FAAH2: variants seen among roughly 807,000 people sequenced by gnomAD.
The protein encoded by FAAH2 is fatty acid amide hydrolase 2.
In FAAH2, 60 loss-of-function variants were observed where a neutral mutation model predicts 36.9. The ratio of observed to expected loss-of-function variants is 1.63; its 90% confidence interval spans 1.32 to 2.02. The LOEUF is 2.02. Ranked by LOEUF, FAAH2 falls within the 30% of genes most tolerant of loss-of-function variation. The probability of loss-of-function intolerance (pLI) is 0.00; values close to 1 mark genes in which losing one functional copy is unlikely to be tolerated. For synonymous variants in FAAH2, 214 were observed against 143.8 expected, an observed-to-expected ratio of 1.49 and a Z score of -3.49; for missense variants, 689 against 397.5, an observed-to-expected ratio of 1.73 and a Z score of -6.23.
At chrX:57,352,410 A>C (rs776621875) in intron 5 of FAAH2, among the ~76,000 whole-genome samples, 4 of 108,739 alleles carry the variant, frequency 3.7e-5, no homozygotes, top group Non-Finnish European at 7.7e-5. Flanking sequence ...GATAAAACTT[A>C]TCATGCCTTC....
chrX:57,157,112 A>T, the FAAH2 span, among the ~76,000 whole-genome samples: 146 of 111,652 alleles, frequency 1.3e-3, 1 homozygote, highest in African/African-American at 4.7e-3. Flanking sequence ...CTGAGCTGAT[A>T]CCCAGTTGCA....
the FAAH2 span, among the ~76,000 whole-genome samples, chrX:57,208,911 C>A: frequency 2.7e-5 from 3 of 111,892 alleles, no homozygotes; most frequent in Non-Finnish European, 5.6e-5. Context: ...GCCATGTGTT[C>A]CTTGCCCTCA....
the FAAH2 span, among the ~76,000 whole-genome samples, chrX:57,207,303 A>T: frequency 9.0e-6 from 1 of 111,457 alleles, no homozygotes; most frequent in African/African-American, 3.3e-5. Flanking sequence ...GGCCCTTCAC[A>T]ATGAAAAATA....
At chrX:57,290,711 T>TA (rs1030911465) in intron 1 of FAAH2, among the ~76,000 whole-genome samples, 8 of 111,446 alleles carry the variant, frequency 7.2e-5, no homozygotes, top group Non-Finnish European at 1.5e-4. Context: ...TGTTATTCTT[T>TA]AAAAAAATTG....
chrX:57,425,041 C>CA (rs78804919), intron 7 of FAAH2, among the ~76,000 whole-genome samples: 59,403 of 109,197 alleles, frequency 0.54, 14,346 homozygotes, highest in Non-Finnish European at 0.74. Context: ...TATTAAAAAA[C>CA]AAAAAAATCT....
intron 3 of FAAH2, among the ~76,000 whole-genome samples, chrX:57,327,423 C>A (rs1446315469): frequency 9.1e-6 from 1 of 109,817 alleles, no homozygotes; most frequent in African/African-American, 3.3e-5. Context: ...TAAATAATAT[C>A]CTGCAGAGTG....
intron 2 of FAAH2, among the ~76,000 whole-genome samples, chrX:57,309,661 A>C (rs184325530): frequency 1.4e-3 from 153 of 110,976 alleles, no homozygotes; most frequent in African/African-American, 4.8e-3. Context: ...TGTGTCCATG[A>C]GTCCTCATTT....
chrX:57,192,411 T>A, the FAAH2 span, among the ~76,000 whole-genome samples: 1 of 111,900 alleles, frequency 8.9e-6, no homozygotes, highest in Non-Finnish European at 1.9e-5. Flanking sequence ...ATAATTTGAC[T>A]TTGTTCTTTT....
In FAAH2 at chrX:57,467,350, G is replaced by A. The variant is rs1384043788; in HGVS notation, c.1423+18632G>A. ...AGGGGTCAGGGAATTCCCTTTCCTAGTCAAAGAAAGGGGTGACAGAAGGCA... is the reference window on the plus strand; with the variant it reads ...AGGGGTCAGGGAATTCCCTTTCCTAATCAAAGAAAGGGGTGACAGAAGGCA... On this transcript the variant is annotated intron_variant, in intron 10 of 10. Coordinates refer to ENST00000374900, the MANE Select transcript of FAAH2 (RefSeq NM_174912.4). 8.1e-5 allele frequency among the ~76,000 whole-genome samples: 9 copies of A among 111,221 alleles called. No individual in the cohort carries two copies. In the East Asian group the frequency reaches 2.6e-3, roughly 32 times the overall value.
chrX:57,154,021 T>A, the FAAH2 span, among the ~76,000 whole-genome samples: 84 of 112,296 alleles, frequency 7.5e-4, no homozygotes, highest in African/African-American at 2.6e-3. Context: ...TTGTTTAAGA[T>A]AATCCCAAAC....
chrX:57,467,122 G>T (rs1429491589), intron 10 of FAAH2, among the ~76,000 whole-genome samples: 3 of 111,057 alleles, frequency 2.7e-5, no homozygotes, highest in Non-Finnish European at 5.7e-5. Context: ...GTTGATTTGG[G>T]TTCCAAGATG....
At chrX:57,247,745 AT>A in the FAAH2 span, among the ~76,000 whole-genome samples, 1 of 112,117 alleles carries the variant, frequency 8.9e-6, no homozygotes, top group Non-Finnish European at 1.9e-5. Flanking sequence ...TTTCATTCAC[AT>A]CTCATCAGCC....
intron 3 of FAAH2, among the ~76,000 whole-genome samples, chrX:57,325,244 T>C (rs766153621): frequency 1.8e-5 from 2 of 111,917 alleles, no homozygotes; most frequent in Admixed American, 9.5e-5. Flanking sequence ...AGTTTGCCAG[T>C]ATTTTATTGA....
At chrX:57,237,021 A>G in the FAAH2 span, among the ~76,000 whole-genome samples, 3 of 111,834 alleles carry the variant, frequency 2.7e-5, no homozygotes, top group Non-Finnish European at 5.7e-5. Context: ...CTATTTTGAA[A>G]TGATGTTTGT....
chrX:57,299,123 C>A (rs1040667930), intron 2 of FAAH2, among the ~76,000 whole-genome samples: 50 of 111,347 alleles, frequency 4.5e-4, no homozygotes, highest in Admixed American at 6.7e-4. Context: ...CATCATCCTG[C>A]TACCAAAGCC....
the FAAH2 span, among the ~76,000 whole-genome samples, chrX:57,201,093 C>A: frequency 9.7e-6 from 1 of 103,512 alleles, no homozygotes; most frequent in Middle Eastern, 5.3e-3. Context: ...ACATGTTATG[C>A]CACTCTCTCC....
chrX:57,260,546 G>T, the FAAH2 span, among the ~76,000 whole-genome samples: 1 of 111,493 alleles, frequency 9.0e-6, no homozygotes, highest in African/African-American at 3.3e-5. Context: ...TAAAACAAAA[G>T]ATCAATATAT....
intron 7 of FAAH2, among the ~76,000 whole-genome samples, chrX:57,407,067 T>C (rs2055584425): frequency 8.9e-6 from 1 of 112,036 alleles, no homozygotes; most frequent in African/African-American, 3.2e-5. Flanking sequence ...TCCCAAGTGG[T>C]GCTTTGGAGG....
the FAAH2 span, among the ~76,000 whole-genome samples, chrX:57,247,252 G>A: frequency 1.8e-5 from 2 of 111,127 alleles, no homozygotes; most frequent in Admixed American, 1.9e-4. Flanking sequence ...ATAAGGATAA[G>A]TTACATATTA....
Sources: allele counts gnomAD v4.1 joint callset (sites outside exome capture counted in the v4.1 genomes callset), GRCh38; gene constraint gnomAD v4.1.1; transcripts MANE v1.5; gene names NCBI Gene and HGNC (gene_info 2026-07-23, HGNC 2026-07-21).